CSMD2: variants seen among roughly 807,000 people sequenced by gnomAD.
The protein encoded by CSMD2 is CUB and Sushi multiple domains 2, also known as CUB and sushi domain-containing protein 2.
In CSMD2, 130 loss-of-function variants were observed where a neutral mutation model predicts 398.5. The observed-to-expected ratio is 0.33, with a 90% confidence interval of 0.28 to 0.38. CSMD2 has a LOEUF of 0.38. Among genes scored for constraint, CSMD2 ranks in the 10% least tolerant of loss-of-function variants. The probability of loss-of-function intolerance (pLI) is 1.00; values close to 1 mark genes in which losing one functional copy is unlikely to be tolerated. For missense variants in CSMD2, 3,829 were observed against 4,764.9 expected, an observed-to-expected ratio of 0.80 and a Z score of 5.78; for synonymous variants, 1,828 against 1,908.5, an observed-to-expected ratio of 0.96 and a Z score of 1.10.
chr1:33,930,020 A>G (rs76341433), intron 4 of CSMD2, among the ~76,000 whole-genome samples: 9,182 of 152,228 alleles, frequency 0.06, 407 homozygotes, highest in East Asian at 0.21. Flanking sequence ...TGGCGTGTGT[A>G]TCTGTTTTCT....
At chr1:33,595,150 A>G (rs1023322203) in intron 44 of CSMD2, among the ~76,000 whole-genome samples, 11 of 152,222 alleles carry the variant, frequency 7.2e-5, no homozygotes, top group Middle Eastern at 3.2e-3. Context: ...GTTCAGAATC[A>G]CATGTTGCAT....
intron 1 of CSMD2, among the ~76,000 whole-genome samples, chr1:34,137,908 T>C (rs932031976): frequency 1.4e-4 from 22 of 152,186 alleles, no homozygotes; most frequent in Middle Eastern, 3.2e-3. Flanking sequence ...TGAGAAGCAG[T>C]ATCAGAATTC....
At chr1:34,095,794 G>T (rs1350508453) in intron 1 of CSMD2, among the ~76,000 whole-genome samples, 1 of 150,786 alleles carries the variant, frequency 6.6e-6, no homozygotes, top group Non-Finnish European at 1.5e-5. Flanking sequence ...AAAGAGTCCA[G>T]GACCAGATGG....
At chr1:33,601,995 A>T (rs1323570170) in intron 43 of CSMD2, among the ~76,000 whole-genome samples, 4 of 152,086 alleles carry the variant, frequency 2.6e-5, no homozygotes, top group Admixed American at 2.0e-4. Context: ...TTCCACCTCA[A>T]ATCTCTTCCA....
intron 22 of CSMD2, among the ~76,000 whole-genome samples, chr1:33,707,695 GCACA>G (rs200504764): frequency 0.2 from 18,261 of 91,656 alleles, 1,381 homozygotes; most frequent in East Asian, 0.33. Context: ...GCGCGCGCGC[GCACA>G]CACACACACA....
intron 25 of CSMD2, among the ~76,000 whole-genome samples, chr1:33,675,384 A>G (rs925760288): frequency 2.3e-4 from 35 of 152,336 alleles, no homozygotes; most frequent in Admixed American, 1.2e-3. Context: ...TCCTACAAAC[A>G]TACACCCTCC....
At chr1:34,084,561 T>C (rs1657637955) in intron 2 of CSMD2, among the ~76,000 whole-genome samples, 1 of 151,952 alleles carries the variant, frequency 6.6e-6, no homozygotes, top group South Asian at 2.1e-4. Flanking sequence ...CATCAAAAAG[T>C]GGGCGAAGGA....
intron 3 of CSMD2, among the ~76,000 whole-genome samples, chr1:33,966,270 C>T (rs897572083): frequency 2.6e-5 from 4 of 152,224 alleles, no homozygotes; most frequent in African/African-American, 9.6e-5. Context: ...CTTGATCTCA[C>T]CTGCCCATCC....
At chr1:34,081,743 C>G (rs964340796) in intron 2 of CSMD2, among the ~76,000 whole-genome samples, 2 of 152,214 alleles carry the variant, frequency 1.3e-5, no homozygotes, top group Non-Finnish European at 2.9e-5. Flanking sequence ...CTGATCTCAG[C>G]TCGCTACAAC....
chr1:33,811,164 T>C (rs1022594479), intron 9 of CSMD2, among the ~76,000 whole-genome samples: 1 of 152,102 alleles, frequency 6.6e-6, no homozygotes, highest in Non-Finnish European at 1.5e-5. Flanking sequence ...CAATTCCTCT[T>C]TGTCAAGAGG....
chr1:33,830,192 G>T (rs1659357864), intron 6 of CSMD2, among the ~76,000 whole-genome samples: 1 of 152,212 alleles, frequency 6.6e-6, no homozygotes, highest in African/African-American at 2.4e-5. Context: ...ATCTGAGAAT[G>T]GGCAGACTGC....
rs373097781 is a variant in CSMD2, at chr1:34,123,643, A to T, written c.188-34450T>A. On this transcript the variant is annotated intron_variant, in intron 1 of 70. Transcript: ENST00000373381. ...GGGAACTGAGCCCCCAACCCATGGG[A>T]TGTGACTCTATCATCAGGTAGATAG... Among the ~76,000 whole-genome samples, 267 of 152,024 alleles carry T rather than the reference A, an allele frequency of 1.8e-3. 1 individual carries two copies. The highest frequency in any genetic ancestry group is 6.1e-3 in the African/African-American group (251 of 41,440).
At chr1:33,720,260 A>G (rs1028745226) in intron 19 of CSMD2, among the ~76,000 whole-genome samples, 33 of 152,366 alleles carry the variant, frequency 2.2e-4, no homozygotes, top group African/African-American at 7.7e-4. Flanking sequence ...GAAACAAGAC[A>G]GACCTATCTC....
chr1:33,846,917 G>C lies in CSMD2; in HGVS notation c.1000C>G (p.His334Asp). The change falls in exon 6 of 71, where the codon CAC becomes GAC. Residue 334 changes from histidine to aspartate, a missense_variant. Coordinates refer to ENST00000373381, the MANE Select transcript of CSMD2 (RefSeq NM_001281956.2). ...LRLHFTSDGN[H>D]RQRGFSAQYQ... ...TGGGCACTGAATCCGCGCTGCCGGT[G>C]GTTGCCATCCGATGTGAAGTGCAGT... 6.2e-7 allele frequency: 1 copy of C among 1,610,154 alleles called. No homozygotes were observed. Among genetic ancestry groups the C allele is most frequent in the Non-Finnish European group, 8.5e-7 (1 of 1,177,774 alleles).
chr1:33,725,297 A>C, intron 17 of CSMD2, 52 bp downstream of exon 17: 1 of 1,519,358 alleles, frequency 6.6e-7, no homozygotes, highest in Non-Finnish European at 9.1e-7. Flanking sequence ...GAGGCCTTTG[A>C]CCCACCTGGG....
Position 34,165,203 on chromosome 1 carries a change from G to C in CSMD2, c.-106C>G, listed in dbSNP as rs1367305722. ...CTGCTCGGAAAAAATCCCGGTACGC[G>C]GGAGCCCTGAGCTTCTGCGGCTGGA... On this transcript the variant is annotated 5_prime_UTR_variant, in exon 1 of 71. Coordinates refer to ENST00000373381, the MANE Select transcript of CSMD2 (RefSeq NM_001281956.2). 8.6e-7 allele frequency: 1 copy of C among 1,164,006 alleles called. No homozygotes were observed. Among genetic ancestry groups the C allele is most frequent in the East Asian group, 4.0e-5 (1 of 24,960 alleles). 72.1% of individuals were successfully genotyped at this position (1,164,006 alleles called of 1,614,324 possible).
At chr1:33,798,421 G>A (rs1401893290) in intron 10 of CSMD2, among the ~76,000 whole-genome samples, 1 of 152,216 alleles carries the variant, frequency 6.6e-6, no homozygotes, top group African/African-American at 2.4e-5. Flanking sequence ...AGGACATGGT[G>A]CTGATGGTGA....
intron 22 of CSMD2, among the ~76,000 whole-genome samples, chr1:33,708,768 AT>A (rs1213601892): frequency 6.6e-6 from 1 of 151,932 alleles, no homozygotes; most frequent in Non-Finnish European, 1.5e-5. Context: ...CACCCAGCTA[AT>A]TTTTGTATTT....
At chr1:34,103,996 C>A (rs760903760) in intron 1 of CSMD2, among the ~76,000 whole-genome samples, 1 of 152,154 alleles carries the variant, frequency 6.6e-6, no homozygotes, top group Non-Finnish European at 1.5e-5. Flanking sequence ...AAAATTAACA[C>A]CCACTTCTAG....
Sources: gnomAD v4.1 joint callset for allele counts (sites outside exome capture counted in the v4.1 genomes callset) on GRCh38, gnomAD v4.1.1 for gene constraint, MANE v1.5 for transcripts, NCBI Gene and HGNC (gene_info 2026-07-23, HGNC 2026-07-21) for gene names.